The following SNX18 variants were observed in gnomAD, a reference collection of about 807,000 sequenced individuals.
SNX18 encodes sorting nexin 18, also known as sorting nexin-18.
SNX18 carries 35 observed loss-of-function variants against 48.7 expected under a neutral mutation model. That is an observed-to-expected ratio of 0.72 (90% CI 0.55 to 0.95). The LOEUF is 0.95. Among genes scored for constraint, SNX18 ranks in the 40% least tolerant of loss-of-function variants. SNX18 has a pLI of 0.00. For synonymous variants in SNX18, 492 were observed against 384.7 expected, an observed-to-expected ratio of 1.28 and a Z score of -3.26; for missense variants, 824 against 871.0, an observed-to-expected ratio of 0.95 and a Z score of 0.68.
chr5:54,565,331 T>A, the SNX18 span, among the ~76,000 whole-genome samples: 1 of 152,100 alleles, frequency 6.6e-6, no homozygotes. Flanking sequence ...CCCAGCACTT[T>A]GGGAGGCCAA....
intron 1 of SNX18, among the ~76,000 whole-genome samples, chr5:54,539,364 G>A (rs1362873380): frequency 1.3e-5 from 2 of 152,164 alleles, no homozygotes; most frequent in Non-Finnish European, 2.9e-5. Context: ...AAGTTGTAGT[G>A]AAGATTAGAA....
chr5:54,567,800 C>G, the SNX18 span, among the ~76,000 whole-genome samples: 1 of 152,196 alleles, frequency 6.6e-6, no homozygotes, highest in African/African-American at 2.4e-5. Context: ...CTCGACCCAG[C>G]ATTGCCCAGA....
At chr5:54,561,644 C>T in the SNX18 span, among the ~76,000 whole-genome samples, 1 of 151,998 alleles carries the variant, frequency 6.6e-6, no homozygotes, top group African/African-American at 2.4e-5. Flanking sequence ...CTGGCTTGCC[C>T]CCTTTTATTA....
At chr5:54,531,180 T>C (rs1762248516) in intron 1 of SNX18, among the ~76,000 whole-genome samples, 1 of 152,072 alleles carries the variant, frequency 6.6e-6, no homozygotes, top group South Asian at 2.1e-4. Flanking sequence ...CTTAGAGTAC[T>C]CCAGGGGAAG....
At chr5:54,548,640 C>T (rs762174298), downstream of SNX18, among the ~76,000 whole-genome samples, 29 of 152,162 alleles carry the variant, frequency 1.9e-4, no homozygotes, top group Non-Finnish European at 3.4e-4. Flanking sequence ...GATAAACCAC[C>T]ATGTGAAGCC....
At chr5:54,598,889 CA>C in the SNX18 span, among the ~76,000 whole-genome samples, 1 of 152,102 alleles carries the variant, frequency 6.6e-6, no homozygotes, top group African/African-American at 2.4e-5. Flanking sequence ...CCAGGGCAAT[CA>C]GGCAAAAGAA....
At position 54,546,571 on chromosome 5, in the gene SNX18, G is replaced by A. The variant is rs558602187; in HGVS notation, c.*3139G>A. 2.6e-5 allele frequency: 4 copies of A among 152,098 alleles called. No homozygotes were observed. The highest frequency in any genetic ancestry group is 2.6e-4 in the Admixed American group (4 of 15,268). 9.4% of individuals were successfully genotyped at this position (152,098 alleles called of 1,614,324 possible). ...GTTTATCTTTTTAAAAAATAAACAGGTTGCTTTATTTCTTAGCTTCAATGG... is the reference window on the plus strand; with the variant it reads ...GTTTATCTTTTTAAAAAATAAACAGATTGCTTTATTTCTTAGCTTCAATGG... On this transcript the variant is annotated 3_prime_UTR_variant, in exon 2 of 2. Coordinates refer to ENST00000381410, the MANE Select transcript of SNX18 (RefSeq NM_001102575.2).
chr5:54,645,557 G>T, the SNX18 span: 3 of 152,214 alleles, frequency 2.0e-5, no homozygotes, highest in African/African-American at 7.2e-5. Context: ...TCCTTTGTGG[G>T]CTTAAGTCAG....
rs149871580 is a variant in SNX18 at position 54,525,977 on chromosome 5, T to C, written c.1621+6404T>C. Among the ~76,000 whole-genome samples the C allele has an allele frequency of 9.7e-3, 1,479 of 152,252 alleles. 11 individuals carry two copies. Among genetic ancestry groups the C allele is most frequent in the Non-Finnish European group, 0.016 (1,092 of 68,024 alleles). ...GGCTTACCTCACTAGGAACTTCGAATGTAAAAGTGATTAATACCTGGCCTG... is the reference window on the plus strand; with the variant it reads ...GGCTTACCTCACTAGGAACTTCGAACGTAAAAGTGATTAATACCTGGCCTG... On this transcript the variant is annotated intron_variant, in intron 1 of 1. Coordinates refer to ENST00000381410, the MANE Select transcript of SNX18 (RefSeq NM_001102575.2).
chr5:54,620,908 T>G, the SNX18 span, among the ~76,000 whole-genome samples: 13 of 152,168 alleles, frequency 8.5e-5, no homozygotes, highest in African/African-American at 2.9e-4. Context: ...TCATATTGGA[T>G]TAGGGCCCCA....
At chr5:54,577,511 T>C in the SNX18 span, among the ~76,000 whole-genome samples, 3 of 151,994 alleles carry the variant, frequency 2.0e-5, no homozygotes, top group East Asian at 1.9e-4. Flanking sequence ...CTTACTTTAA[T>C]TGAGGAGAAA....
chr5:54,598,413 G>A, the SNX18 span, among the ~76,000 whole-genome samples: 4 of 152,038 alleles, frequency 2.6e-5, no homozygotes, highest in Admixed American at 6.6e-5. Context: ...ACCAAAAACC[G>A]ACAGAGATAA....
the SNX18 span, among the ~76,000 whole-genome samples, chr5:54,591,529 C>T: frequency 6.6e-6 from 1 of 152,148 alleles, no homozygotes; most frequent in Non-Finnish European, 1.5e-5. Flanking sequence ...GAGCACAGAG[C>T]CATGCAAGGG....
chr5:54,521,513 A>T (rs1561113637), intron 1 of SNX18, among the ~76,000 whole-genome samples: 1 of 152,138 alleles, frequency 6.6e-6, no homozygotes, highest in Non-Finnish European at 1.5e-5. Flanking sequence ...CAGCCTGGGC[A>T]ACATAGGGAG....
Position 54,544,212 on chromosome 5 carries a change from T to G in SNX18, c.*780T>G, listed in dbSNP as rs1762527024. The G allele has an allele frequency of 6.6e-6, 1 of 152,162 alleles. No homozygotes were observed. Among genetic ancestry groups the G allele is most frequent in the Admixed American group, 6.6e-5 (1 of 15,266 alleles). 9.4% of individuals were successfully genotyped at this position (152,162 alleles called of 1,614,324 possible). On this transcript the variant is annotated 3_prime_UTR_variant, in exon 2 of 2. Transcript: ENST00000381410. ...TTAGATGCAACAGTAGCATAGCCTC[T>G]TCACCCAGGCGTCCCAAAAGCTTGG...
chr5:54,640,243 C>T, the SNX18 span, among the ~76,000 whole-genome samples: 3 of 149,160 alleles, frequency 2.0e-5, no homozygotes, highest in Non-Finnish European at 4.4e-5. Flanking sequence ...GACAAGGTTT[C>T]ACTCTCATCA....
chr5:54,612,696 C>T, the SNX18 span, among the ~76,000 whole-genome samples: 1 of 152,298 alleles, frequency 6.6e-6, no homozygotes. Flanking sequence ...GATCTGTTTT[C>T]CAAAGCTGCA....
the SNX18 span, among the ~76,000 whole-genome samples, chr5:54,559,574 A>G: frequency 1.3e-5 from 2 of 152,208 alleles, no homozygotes; most frequent in Admixed American, 1.3e-4. Flanking sequence ...CTCAAGATGG[A>G]CTAAAGACTT....
chr5:54,547,907 G>A (rs1013744089), downstream of SNX18, among the ~76,000 whole-genome samples: 13 of 152,236 alleles, frequency 8.5e-5, no homozygotes, highest in Non-Finnish European at 5.9e-5. Flanking sequence ...GAGAGCAACA[G>A]AATTTGCTGA....
Sources: allele counts gnomAD v4.1 joint callset (sites outside exome capture counted in the v4.1 genomes callset), GRCh38; gene constraint gnomAD v4.1.1; transcripts MANE v1.5; gene names NCBI Gene and HGNC (gene_info 2026-07-23, HGNC 2026-07-21).